AGK: variants seen among roughly 807,000 people sequenced by gnomAD.
AGK encodes the protein acylglycerol kinase.
Under a neutral mutation model 66.4 loss-of-function variants are expected in AGK, and 52 were observed. The observed-to-expected ratio is 0.78, with a 90% confidence interval of 0.63 to 0.99. The LOEUF (loss-of-function observed/expected upper bound fraction) is 0.99, where lower values mean the gene tolerates loss of function less well. AGK is among the 50% of genes least tolerant of loss of function. The pLI is 0.00. For synonymous variants in AGK, 182 were observed against 181.1 expected (o/e 1.00, Z -0.04); for missense variants, 451 against 506.6 (o/e 0.89, Z 1.05).
At chr7:141,644,708 A>T (rs1797368838) in intron 13 of AGK, among the ~76,000 whole-genome samples, 1 of 152,172 alleles carries the variant, frequency 6.6e-6, no homozygotes, top group African/African-American at 2.4e-5. Context: ...AAAGATTTGC[A>T]ACATAGTTCC....
At chr7:141,628,924 G>T (rs1796998600) in intron 9 of AGK, among the ~76,000 whole-genome samples, 1 of 152,110 alleles carries the variant, frequency 6.6e-6, no homozygotes, top group Non-Finnish European at 1.5e-5. Flanking sequence ...AGAATTCTTT[G>T]TAGCTTTTTC....
At chr7:141,607,939 A>G (rs1405064133) in intron 5 of AGK, among the ~76,000 whole-genome samples, 1 of 152,062 alleles carries the variant, frequency 6.6e-6, no homozygotes, top group Non-Finnish European at 1.5e-5. Flanking sequence ...AATCTTTGAA[A>G]TTATGGTCTG....
intron 13 of AGK, among the ~76,000 whole-genome samples, chr7:141,643,322 G>A (rs998049525): frequency 3.3e-5 from 5 of 152,148 alleles, no homozygotes; most frequent in African/African-American, 7.2e-5. Context: ...CGCCTCCTGT[G>A]TATGTATCCC....
At chr7:141,647,488 C>T (rs778174204) in intron 13 of AGK, among the ~76,000 whole-genome samples, 8 of 152,150 alleles carry the variant, frequency 5.3e-5, no homozygotes, top group Non-Finnish European at 8.8e-5. Context: ...GCCTCCGCCC[C>T]AGTAGTTCCC....
chr7:141,630,095 TATC>T (rs555629834), intron 9 of AGK, among the ~76,000 whole-genome samples: 13 of 150,964 alleles, frequency 8.6e-5, no homozygotes, highest in Non-Finnish European at 1.6e-4. Context: ...TGGAATCTTC[TATC>T]ATCATCATCA....
At chr7:141,606,297 T>G (rs1479000808) in intron 5 of AGK, among the ~76,000 whole-genome samples, 2 of 152,204 alleles carry the variant, frequency 1.3e-5, no homozygotes, top group Non-Finnish European at 2.9e-5. Flanking sequence ...CATTTCCGGT[T>G]TCTTTCCATG....
At chr7:141,605,556 A>G (rs1038845522) in intron 5 of AGK, among the ~76,000 whole-genome samples, 2 of 152,204 alleles carry the variant, frequency 1.3e-5, no homozygotes, top group African/African-American at 4.8e-5. Flanking sequence ...TTATTGATGC[A>G]TCAAAGATGT....
At chr7:141,579,077 A>T (rs111488245) in intron 2 of AGK, among the ~76,000 whole-genome samples, 712 of 125,536 alleles carry the variant, frequency 5.7e-3, no homozygotes, top group Middle Eastern at 0.012. Context: ...TTTGGGGCAC[A>T]GTCCAAGTTG....
chr7:141,583,845 G>A (rs1214217808), intron 2 of AGK, among the ~76,000 whole-genome samples: 1 of 151,992 alleles, frequency 6.6e-6, no homozygotes, highest in Non-Finnish European at 1.5e-5. Flanking sequence ...GGAGAAAGAG[G>A]TTGAGGGATA....
At chr7:141,586,715 A>G (rs1796001754) in intron 2 of AGK, among the ~76,000 whole-genome samples, 1 of 152,188 alleles carries the variant, frequency 6.6e-6, no homozygotes, top group Admixed American at 6.5e-5. Context: ...AAGAACAGCA[A>G]AACATGCAGT....
Position 141,652,846 on chromosome 7 carries a change from G to T in AGK, c.1191G>T (p.Val397=). 1 of 1,614,018 alleles carries T rather than the reference G, an allele frequency of 6.2e-7. No individual in the cohort carries two copies. The highest frequency in any genetic ancestry group is 8.5e-7 in the Non-Finnish European group (1 of 1,179,998). Residue 397 remains valine, a synonymous_variant, in exon 16 of 16, where the codon GTG becomes GTT. Transcript: ENST00000649286. ...SEEYEAMPVE[V]KLLPRKLQFF... is the part of the protein sequence containing the mutation. ...AGTATGAAGCGATGCCTGTGGAGGT[G>T]AAACTGCTCCCCAGGAAGCTGCAGT...
In AGK at chr7:141,611,124, C is replaced by T. The variant is rs1796577880; in HGVS notation, c.298-71C>T. 4 of 910,822 alleles carry T rather than the reference C, an allele frequency of 4.4e-6. No individual in the cohort carries two copies. The Admixed American group carries it at 1.0e-4, about 24-fold the overall frequency. The allele number at this position is 910,822 out of a possible 1,614,324, so 56.4% of individuals were successfully genotyped here. On this transcript the variant is annotated intron_variant, in intron 5 of 15. Coordinates refer to ENST00000649286, the MANE Select transcript of AGK (RefSeq NM_018238.4). ...AATGTAAAACTTTAAAGAAGATATC[C>T]CACATTTTTAAACCTTTAACCTTGT...
At chr7:141,628,124 C>A (rs375409606) in intron 9 of AGK, among the ~76,000 whole-genome samples, 1 of 152,200 alleles carries the variant, frequency 6.6e-6, no homozygotes, top group Admixed American at 6.5e-5. Flanking sequence ...TCCTGATACA[C>A]CCACCTCGGC....
chr7:141,560,537 A>G (rs899571661), intron 2 of AGK, among the ~76,000 whole-genome samples: 1 of 151,308 alleles, frequency 6.6e-6, no homozygotes, highest in African/African-American at 2.4e-5. Flanking sequence ...TTTAGTGGTG[A>G]TTTCTGAGAT....
chr7:141,563,835 A>T (rs984828636), intron 2 of AGK, among the ~76,000 whole-genome samples: 1 of 151,998 alleles, frequency 6.6e-6, no homozygotes, highest in African/African-American at 2.4e-5. Flanking sequence ...CTTGCTTTTC[A>T]TCTTTTTCAT....
Position 141,555,566 on chromosome 7 carries a change from T to C in AGK, c.100T>C (p.Cys34Arg). The change falls in exon 2 of 16, where the codon TGT becomes CGT. Residue 34 changes from cysteine to arginine, a missense_variant and splice_region_variant. By Grantham distance (180) the Cys-to-Arg change is radical. Coordinates refer to ENST00000649286, the MANE Select transcript of AGK (RefSeq NM_018238.4). This position sits in a 1 kb window ranked among gnomAD's most constrained non-coding sequence, Gnocchi z 4.2. Reference sequence around the variant, plus strand: ...AGGCCATTGGCTCTATGGAAAACACTGGTAACTATCTGACAGCCCCATCCC... The same window carrying C: ...AGGCCATTGGCTCTATGGAAAACACCGGTAACTATCTGACAGCCCCATCCC... ...WGGHWLYGKHCDNLLRRAACQ... is the reference protein window; with the variant it reads ...WGGHWLYGKHRDNLLRRAACQ... The C allele has an allele frequency of 6.2e-7, 1 of 1,611,364 alleles. No individual in the cohort carries two copies. The highest frequency in any genetic ancestry group is 8.5e-7 in the Non-Finnish European group (1 of 1,178,078).
intron 9 of AGK, among the ~76,000 whole-genome samples, chr7:141,623,168 T>C (rs755264881): frequency 1.3e-5 from 2 of 151,488 alleles, no homozygotes; most frequent in African/African-American, 2.4e-5. Flanking sequence ...TCACTTGACG[T>C]TGGGAGTTTG....
At chr7:141,596,523 A>AT in intron 3 of AGK, 39 bp from the exon 4 acceptor site, 3 of 1,566,606 alleles carry the variant, frequency 1.9e-6, no homozygotes, top group Non-Finnish European at 2.6e-6. Flanking sequence ...TACCAAATAA[A>AT]TGGACTTTTA....
chr7:141,595,025 T>G (rs1204522358), intron 3 of AGK, among the ~76,000 whole-genome samples: 1 of 152,238 alleles, frequency 6.6e-6, no homozygotes, highest in Non-Finnish European at 1.5e-5. Flanking sequence ...GAAGTGGATC[T>G]GTCCTTATAG....
Sources: gnomAD v4.1 joint callset for allele counts (sites outside exome capture counted in the v4.1 genomes callset) on GRCh38, gnomAD v4.1.1 for gene constraint, Gnocchi (gnomAD v3.1) non-coding constraint, MANE v1.5 for transcripts, NCBI Gene and HGNC (gene_info 2026-07-23, HGNC 2026-07-21) for gene names.